Variants in DYNC1I1 observed in about 807,000 individuals in gnomAD.
DYNC1I1 encodes dynein cytoplasmic 1 intermediate chain 1, also known as cytoplasmic dynein 1 intermediate chain 1.
DYNC1I1 carries 43 observed loss-of-function variants against 86.6 expected under a neutral mutation model. The ratio of observed to expected loss-of-function variants is 0.50; its 90% CI spans 0.39 to 0.64. The LOEUF is 0.64. Among genes scored for constraint, DYNC1I1 ranks in the 30% least tolerant of loss-of-function variants. DYNC1I1 has a pLI of 0.00. For missense variants in DYNC1I1, 604 were observed against 788.8 expected (o/e 0.77, Z 2.81); for synonymous variants, 262 against 283.7 (o/e 0.92, Z 0.77).
chr7:95,994,577 G>A (rs1213949776), intron 9 of DYNC1I1, among the ~76,000 whole-genome samples: 1 of 152,142 alleles, frequency 6.6e-6, no homozygotes, highest in East Asian at 1.9e-4. Context: ...AACTAGTCCA[G>A]TGAGGCTGGG....
Position 95,778,834 on chromosome 7 carries a change from A to T in DYNC1I1, c.-10+6061A>T, listed in dbSNP as rs527240001. Among the ~76,000 whole-genome samples, 1,393 of 150,578 alleles carry T rather than the reference A, an allele frequency of 9.3e-3. 7 individuals carry two copies. The highest frequency in any genetic ancestry group is 0.011 in the Non-Finnish European group (763 of 67,518). Reference sequence around the variant, plus strand: ...TCCCACCACACCAGCTGGTTAAAAAATTTTTTTTTTCATAGGGATGGAGTC... The same window carrying T: ...TCCCACCACACCAGCTGGTTAAAAATTTTTTTTTTTCATAGGGATGGAGTC... On this transcript the variant is annotated intron_variant, in intron 1 of 16. Transcript: ENST00000447467.
At chr7:95,996,923 G>C (rs778575082) in intron 10 of DYNC1I1, among the ~76,000 whole-genome samples, 1 of 152,216 alleles carries the variant, frequency 6.6e-6, no homozygotes, top group African/African-American at 2.4e-5. Context: ...CATTTGAAGA[G>C]GGTGGGTAAA....
At chr7:96,083,226 G>A (rs949074049) in intron 16 of DYNC1I1, among the ~76,000 whole-genome samples, 4 of 152,204 alleles carry the variant, frequency 2.6e-5, no homozygotes, top group African/African-American at 9.6e-5. Flanking sequence ...CATATACAAA[G>A]CAATCTATAG....
At chr7:95,938,740 G>A (rs1296649561) in intron 6 of DYNC1I1, among the ~76,000 whole-genome samples, 1 of 152,138 alleles carries the variant, frequency 6.6e-6, no homozygotes, top group African/African-American at 2.4e-5. Context: ...AAGTGCTAAT[G>A]GTGGTGATTG....
chr7:95,833,937 C>T (rs1240577590), intron 5 of DYNC1I1, among the ~76,000 whole-genome samples: 2 of 145,898 alleles, frequency 1.4e-5, no homozygotes, highest in Non-Finnish European at 3.0e-5. Flanking sequence ...TTGACTTCCT[C>T]TTTTCCTAAT....
chr7:96,002,884 A>C (rs1229029401), intron 10 of DYNC1I1, among the ~76,000 whole-genome samples: 1 of 151,024 alleles, frequency 6.6e-6, no homozygotes, highest in Non-Finnish European at 1.5e-5. Flanking sequence ...TTGCTCTGTC[A>C]TGAGGCTGGC....
intron 4 of DYNC1I1, among the ~76,000 whole-genome samples, chr7:95,827,825 T>A (rs778629332): frequency 6.6e-6 from 1 of 152,122 alleles, no homozygotes; most frequent in Non-Finnish European, 1.5e-5. Flanking sequence ...TCAACTTTCT[T>A]TCATGAAAGC....
At chr7:95,985,049 A>T (rs1793552407) in intron 8 of DYNC1I1, 72 bp downstream of exon 8, 5 of 1,562,910 alleles carry the variant, frequency 3.2e-6, no homozygotes, top group Non-Finnish European at 4.3e-6. Context: ...TTATGTTCTG[A>T]CTAGGAAAAT....
intron 10 of DYNC1I1, among the ~76,000 whole-genome samples, chr7:96,014,030 A>G (rs1199629652): frequency 1.3e-5 from 2 of 152,114 alleles, no homozygotes; most frequent in Non-Finnish European, 2.9e-5. Flanking sequence ...TCCCTTCCCC[A>G]CAACCTTTGT....
chr7:95,824,701 C>A (rs891462100), intron 4 of DYNC1I1, among the ~76,000 whole-genome samples: 2 of 152,190 alleles, frequency 1.3e-5, no homozygotes, highest in Non-Finnish European at 2.9e-5. Flanking sequence ...AAGGCCTGCA[C>A]CCTCATTTGC....
At chr7:96,012,766 C>T (rs1794306699) in intron 10 of DYNC1I1, among the ~76,000 whole-genome samples, 1 of 152,106 alleles carries the variant, frequency 6.6e-6, no homozygotes, top group Non-Finnish European at 1.5e-5. Flanking sequence ...TATTTGTTGA[C>T]CACGCTGATA....
chr7:95,879,650 T>C (rs1478941737), intron 6 of DYNC1I1, among the ~76,000 whole-genome samples: 1 of 152,100 alleles, frequency 6.6e-6, no homozygotes, highest in African/African-American at 2.4e-5. Flanking sequence ...CCTCCATACA[T>C]TTTAGACAGT....
chr7:95,853,511 T>G (rs942555670), intron 5 of DYNC1I1, among the ~76,000 whole-genome samples: 1 of 152,334 alleles, frequency 6.6e-6, no homozygotes, highest in East Asian at 1.9e-4. Flanking sequence ...CAGTTTGTGG[T>G]ATTCTGTTAT....
At chr7:95,965,355 A>G (rs1032745245) in intron 6 of DYNC1I1, among the ~76,000 whole-genome samples, 11 of 152,194 alleles carry the variant, frequency 7.2e-5, no homozygotes, top group African/African-American at 2.4e-4. Context: ...CAGTGTGGAC[A>G]CAGTTGAAAC....
At chr7:96,031,751 C>T (rs373063467) in intron 11 of DYNC1I1, among the ~76,000 whole-genome samples, 14 of 152,312 alleles carry the variant, frequency 9.2e-5, no homozygotes, top group South Asian at 6.2e-4. Flanking sequence ...ATACTGTCAG[C>T]TATTTGCACA....
At chr7:96,033,230 T>A (rs1794853954) in intron 12 of DYNC1I1, among the ~76,000 whole-genome samples, 1 of 152,178 alleles carries the variant, frequency 6.6e-6, no homozygotes, top group Admixed American at 6.5e-5. Flanking sequence ...CCTGTGTGTA[T>A]GAAGAAACCA....
intron 5 of DYNC1I1, among the ~76,000 whole-genome samples, chr7:95,846,618 T>C (rs1789432993): frequency 9.5e-6 from 1 of 105,360 alleles, no homozygotes; most frequent in Admixed American, 9.6e-5. Flanking sequence ...AAATGATAAA[T>C]CTCTCTCTCT....
chr7:95,791,765 C>A (rs1368879774), intron 1 of DYNC1I1, among the ~76,000 whole-genome samples: 1 of 151,992 alleles, frequency 6.6e-6, no homozygotes, highest in Non-Finnish European at 1.5e-5. Flanking sequence ...GTAAATCAGG[C>A]AGGAAAAATT....
At chr7:96,019,391 T>C (rs1281260669) in intron 10 of DYNC1I1, among the ~76,000 whole-genome samples, 1 of 151,882 alleles carries the variant, frequency 6.6e-6, no homozygotes, top group African/African-American at 2.4e-5. Context: ...TTTTTTTTTA[T>C]TCAGATAAGC....
Sources: gnomAD v4.1 joint callset for allele counts (sites outside exome capture counted in the v4.1 genomes callset) on GRCh38, gnomAD v4.1.1 for gene constraint, MANE v1.5 for transcripts, NCBI Gene and HGNC (gene_info 2026-07-23, HGNC 2026-07-21) for gene names.